Variants in OPCML observed in about 807,000 individuals in gnomAD.
OPCML encodes opioid binding protein/cell adhesion molecule like.
Under a neutral mutation model 37.8 loss-of-function variants are expected in OPCML, and 13 were observed. The ratio of observed to expected loss-of-function variants is 0.34; its 90% confidence interval spans 0.22 to 0.55. The LOEUF is 0.55. OPCML is among the 20% of genes least tolerant of loss of function. OPCML has a pLI of 0.91. For missense variants in OPCML, 341 were observed against 435.6 expected (o/e 0.78, Z 1.93); for synonymous variants, 176 against 168.8 (o/e 1.04, Z -0.33).
chr11:133,206,511 A>C lies in OPCML; in HGVS notation c.62-263501T>G, dbSNP rs1276788417. Among the ~76,000 whole-genome samples, 1 of 152,196 alleles carries C rather than the reference A, an allele frequency of 6.6e-6. No homozygotes were observed. Among genetic ancestry groups the C allele is most frequent in the Non-Finnish European group, 1.5e-5 (1 of 68,036 alleles). ...GTTAAAGTTGTGAAAGCGTGTTAAG[A>C]GAGGAAGAGAAACACCCTGTACTCT... On this transcript the variant is annotated intron_variant, in intron 1 of 7. Coordinates refer to ENST00000524381, the MANE Select transcript of OPCML (RefSeq NM_001012393.5). The surrounding 1 kb of genome is among the most constrained non-coding windows in gnomAD (Gnocchi z 4.7).
At chr11:133,398,276 C>T (rs1945329334) in intron 1 of OPCML, among the ~76,000 whole-genome samples, 1 of 152,218 alleles carries the variant, frequency 6.6e-6, no homozygotes, top group Admixed American at 6.5e-5. Flanking sequence ...TCTCAGCTGT[C>T]CTGGGACTGC....
At chr11:132,666,840 T>C (rs1001099169) in intron 2 of OPCML, among the ~76,000 whole-genome samples, 1 of 152,178 alleles carries the variant, frequency 6.6e-6, no homozygotes, top group Non-Finnish European at 1.5e-5. Flanking sequence ...GACATCTCCA[T>C]GGTAAAATGT....
chr11:132,695,207 A>T (rs1184147618), intron 2 of OPCML, among the ~76,000 whole-genome samples: 7 of 152,218 alleles, frequency 4.6e-5, no homozygotes, highest in South Asian at 2.1e-4. Context: ...GAGACTGTTC[A>T]TTGGAAGCAC....
chr11:132,864,405 T>A (rs1163397664), intron 2 of OPCML, among the ~76,000 whole-genome samples: 1 of 152,204 alleles, frequency 6.6e-6, no homozygotes, highest in Non-Finnish European at 1.5e-5. Context: ...TGTCACTCAC[T>A]CACCACGTAA....
chr11:133,127,111 T>TGCCCCTTTCCCTCTTTTGATCC (rs1429561875), intron 1 of OPCML, among the ~76,000 whole-genome samples: 1 of 152,184 alleles, frequency 6.6e-6, no homozygotes, highest in African/African-American at 2.4e-5. Context: ...TCCTTAGATC[T>TGCCCCTTTCCCTCTTTTGATCC]GCCCCTTTCC....
At chr11:133,498,190 C>A (rs1591568119) in intron 1 of OPCML, among the ~76,000 whole-genome samples, 3 of 152,250 alleles carry the variant, frequency 2.0e-5, no homozygotes, top group Admixed American at 2.0e-4. Flanking sequence ...CTGAAGGGGT[C>A]CAGTTCAGAG....
chr11:133,512,216 T>C (rs1190617559), intron 1 of OPCML, among the ~76,000 whole-genome samples: 1 of 152,224 alleles, frequency 6.6e-6, no homozygotes, highest in African/African-American at 2.4e-5. Context: ...CCAAACCTAC[T>C]TACCTGTGTT....
intron 1 of OPCML, among the ~76,000 whole-genome samples, chr11:133,193,181 G>T (rs1938393935): frequency 6.6e-6 from 1 of 152,108 alleles, no homozygotes; most frequent in South Asian, 2.1e-4. Flanking sequence ...TCAGATAGTG[G>T]AACCAGAAGA....
At chr11:132,444,759 C>T (rs1764492740) in intron 4 of OPCML, among the ~76,000 whole-genome samples, 1 of 152,110 alleles carries the variant, frequency 6.6e-6, no homozygotes. Context: ...ATCCTTGACT[C>T]TCCTTAGAAC....
At chr11:132,519,745 T>A (rs573100280) in intron 4 of OPCML, among the ~76,000 whole-genome samples, 2 of 152,268 alleles carry the variant, frequency 1.3e-5, no homozygotes, top group African/African-American at 4.8e-5. Context: ...AAGATATGTA[T>A]AACCTTGATT....
intron 3 of OPCML, among the ~76,000 whole-genome samples, chr11:132,611,177 C>A (rs1027990159): frequency 1.3e-5 from 2 of 152,188 alleles, no homozygotes; most frequent in African/African-American, 4.8e-5. Context: ...GTTGCCATTT[C>A]TAACGATGTT....
rs148674199 is a variant in OPCML at position 132,969,894 on chromosome 11, T to C, written c.62-26884A>G. Among the ~76,000 whole-genome samples the C allele has an allele frequency of 5.2e-3, 795 of 152,336 alleles. 5 individuals carry two copies. The highest frequency in any genetic ancestry group is 0.018 in the African/African-American group (753 of 41,578). On this transcript the variant is annotated intron_variant, in intron 1 of 7. Transcript: ENST00000524381. Reference sequence around the variant, plus strand: ...ATTTATTATGTCTGTTTGAAGTCTTTGTTAAATCTGACATCTGTGGCCTCT... The same window carrying C: ...ATTTATTATGTCTGTTTGAAGTCTTCGTTAAATCTGACATCTGTGGCCTCT...
rs1194928335 is a variant in OPCML at position 133,204,012 on chromosome 11, C to G, written c.62-261002G>C. 3.7e-5 allele frequency among the ~76,000 whole-genome samples: 5 copies of G among 134,820 alleles called. No homozygotes were observed. The Admixed American group carries it at 4.2e-4, about 11-fold the overall frequency. The allele number at this position is 134,820 out of a possible 152,430, so 88.4% of individuals were successfully genotyped here. On this transcript the variant is annotated intron_variant, in intron 1 of 7. Coordinates refer to ENST00000524381, the MANE Select transcript of OPCML (RefSeq NM_001012393.5). ...GGCGGAGCTTGCATTGAGCCGAGAT[C>G]CCGCCACTGCATTCCAGCCTGGGGG...
chr11:133,195,541 C>G (rs476154), intron 1 of OPCML, among the ~76,000 whole-genome samples: 16,918 of 152,110 alleles, frequency 0.11, 1,233 homozygotes, highest in South Asian at 0.19. Context: ...GTGCCATGGA[C>G]AAAATTAATG....
At chr11:133,127,599 T>A (rs1385622781) in intron 1 of OPCML, among the ~76,000 whole-genome samples, 1 of 151,684 alleles carries the variant, frequency 6.6e-6, no homozygotes, top group East Asian at 1.9e-4. Flanking sequence ...CACCACCGCA[T>A]TCCAGCCTGG....
chr11:133,412,568 T>C (rs1383393379), intron 1 of OPCML, among the ~76,000 whole-genome samples: 1 of 152,214 alleles, frequency 6.6e-6, no homozygotes, highest in African/African-American at 2.4e-5. Context: ...TTTTTTGAGA[T>C]GTATTTTCTA....
chr11:132,745,117 T>C (rs925910199), intron 2 of OPCML, among the ~76,000 whole-genome samples: 3 of 152,212 alleles, frequency 2.0e-5, no homozygotes, highest in Admixed American at 6.5e-5. Flanking sequence ...GTAGACTTCA[T>C]GGTCTGTGGC....
chr11:133,024,627 A>C (rs1188651837), intron 1 of OPCML: 1 of 944,998 alleles, frequency 1.1e-6, no homozygotes, highest in Admixed American at 6.2e-5. Flanking sequence ...CATGTCAAGC[A>C]AGTCTCAGAC....
chr11:132,499,166 T>C (rs2137113245), intron 4 of OPCML, among the ~76,000 whole-genome samples: 1 of 152,240 alleles, frequency 6.6e-6, no homozygotes, highest in Non-Finnish European at 1.5e-5. Context: ...GGTAGATATG[T>C]GATGATTCCA....
Sources: gnomAD v4.1 joint callset for allele counts (sites outside exome capture counted in the v4.1 genomes callset) on GRCh38, gnomAD v4.1.1 for gene constraint, Gnocchi (gnomAD v3.1) non-coding constraint, MANE v1.5 for transcripts, NCBI Gene and HGNC (gene_info 2026-07-23, HGNC 2026-07-21) for gene names.